The following NDUFS1 variants were observed in gnomAD, a reference collection of about 807,000 sequenced individuals.
NDUFS1 encodes the protein NADH:ubiquinone oxidoreductase core subunit S1.
In NDUFS1, 61 loss-of-function variants were observed where a neutral mutation model predicts 84.4. That is an observed-to-expected ratio of 0.72 (90% CI 0.59 to 0.89). The LOEUF is 0.89. Ranked by LOEUF, NDUFS1 falls within the 40% of genes least tolerant of loss-of-function variation. The pLI is 0.00. For synonymous variants in NDUFS1, 275 were observed against 290.0 expected, an observed-to-expected ratio of 0.95 and a Z score of 0.53; for missense variants, 891 against 890.0, an observed-to-expected ratio of 1.00 and a Z score of -0.01.
chr2:206,147,724 A>G (rs1692213847), intron 6 of NDUFS1, 29 bp downstream of exon 6: 1 of 1,613,798 alleles, frequency 6.2e-7, no homozygotes, highest in African/African-American at 1.3e-5. Flanking sequence ...TGAGACAACC[A>G]AAAAGATTGA....
rs137878712 is a variant in NDUFS1, at chr2:206,133,738, G to A, written c.1393-633C>T. On this transcript the variant is annotated intron_variant, in intron 13 of 18. Coordinates refer to ENST00000233190, the MANE Select transcript of NDUFS1 (RefSeq NM_005006.7). ...CACGCCTGTAATCCCAACACTTTGG[G>A]AGGCTGAGGTGGGTGGATCACTTGA... Among the ~76,000 whole-genome samples the A allele has an allele frequency of 5.2e-3, 796 of 152,340 alleles. 40 individuals are homozygous for A. The East Asian group carries it at 0.11, about 22-fold the overall frequency.
At chr2:206,126,402 T>C in intron 18 of NDUFS1, 137 bp downstream of exon 18, 1 of 843,364 alleles carries the variant, frequency 1.2e-6, no homozygotes, top group East Asian at 2.7e-5. Flanking sequence ...CTTACGTTAG[T>C]TCCAATGTTT....
chr2:206,152,703 C>CTTT (rs71034411), intron 2 of NDUFS1, among the ~76,000 whole-genome samples, 193 bp from the exon 3 acceptor site: 33 of 121,236 alleles, frequency 2.7e-4, no homozygotes, highest in East Asian at 4.5e-4. Context: ...CTTTCTTCTT[C>CTTT]TTTTTTTTTT....
At chr2:206,158,942 G>T in intron 1 of NDUFS1, 1 of 732,668 alleles carries the variant, frequency 1.4e-6, no homozygotes, top group Non-Finnish European at 2.3e-6. Flanking sequence ...ATCATGCACT[G>T]TATCAGGCGT....
In NDUFS1 at chr2:206,142,798, T is replaced by C. The variant is rs746089657; in HGVS notation, c.1021A>G (p.Ile341Val). ...QSFQGKDVAA[I>V]AGGLVDAEAL... Reference sequence around the variant, plus strand: ...TCAGCATCCACCAAGCCACCTGCAATTGCTGCCACATCTTTGCCTTGAAAA... The same window carrying C: ...TCAGCATCCACCAAGCCACCTGCAACTGCTGCCACATCTTTGCCTTGAAAA... Residue 341 changes from isoleucine (I) to valine (V), a missense_variant, in exon 11 of 19, where the codon ATT becomes GTT. Coordinates refer to ENST00000233190, the MANE Select transcript of NDUFS1 (RefSeq NM_005006.7). 18 of 1,614,188 alleles carry C rather than the reference T, an allele frequency of 1.1e-5. No individual in the cohort carries two copies. The East Asian group carries it at 1.3e-4, about 12-fold the overall frequency.
In NDUFS1 at chr2:206,149,933, TAAAAA is replaced by T. The variant is rs568965659; in HGVS notation, c.154-13_154-9del. 18,287 of 588,694 alleles carry T rather than the reference TAAAAA, an allele frequency of 0.031. 17 individuals are homozygous for T. Among genetic ancestry groups the T allele is most frequent in the Middle Eastern group, 0.045 (83 of 1,828 alleles). 36.5% of individuals were successfully genotyped at this position (588,694 alleles called of 1,614,324 possible). A position where few individuals can be genotyped will look rare whatever the true frequency, so the allele number is the denominator to read the frequency against. ...GCCAACCTTCTCACAAGCCTAGAAG[TAAAAA>T]AAAAAAAAAAAAAAAAAAAAGCATT... On this transcript the variant is annotated splice_polypyrimidine_tract_variant and intron_variant, in intron 3 of 18. Transcript: ENST00000233190.
In NDUFS1 at chr2:206,141,995, A is replaced by G. The variant is rs1384839622; in HGVS notation, c.1208T>C (p.Val403Ala). Residue 403 changes from valine to alanine, a missense_variant, in exon 12 of 19, where the codon GTT becomes GCT. Coordinates refer to ENST00000233190, the MANE Select transcript of NDUFS1 (RefSeq NM_005006.7). ...TGCCTCAAAACGTGGGTTTGTACCA[A>G]CCAGAAGAACAACATCTGCCTCTTC... Reference protein sequence around the residue: ...GVEEADVVLLVGTNPRFEAPL... With the variant: ...GVEEADVVLLAGTNPRFEAPL... The G allele has an allele frequency of 6.2e-7, 1 of 1,610,130 alleles. No individual in the cohort carries two copies. Among genetic ancestry groups the G allele is most frequent in the East Asian group, 2.2e-5 (1 of 44,864 alleles).
chr2:206,142,391 T>A (rs1691997043), intron 11 of NDUFS1, among the ~76,000 whole-genome samples: 1 of 151,792 alleles, frequency 6.6e-6, no homozygotes, highest in African/African-American at 2.4e-5. Flanking sequence ...TTTTTTGTAT[T>A]TTTAGTAGAG....
In NDUFS1 at chr2:206,126,575, G is replaced by C; in HGVS notation, c.2056C>G (p.Pro686Ala). 1.2e-6 allele frequency: 2 copies of C among 1,614,108 alleles called. No homozygotes were observed. Among genetic ancestry groups the C allele is most frequent in the Non-Finnish European group, 1.7e-6 (2 of 1,180,016 alleles). The change falls in exon 18 of 19, where the codon CCA becomes GCA. Residue 686 changes from proline to alanine, a missense_variant. Transcript: ENST00000233190. ...AAGTCTTTTATAGTTAGCTGAGGTG[G>C]AACAAGTGGGTCAGCAAGAAGCTGC... is the stretch of plus-strand genomic sequence containing the variant. ...NQQLLADPLVPPQLTIKDFYM... is the reference protein window; with the variant it reads ...NQQLLADPLVAPQLTIKDFYM...
intron 10 of NDUFS1, 53 bp from the exon 11 acceptor site, chr2:206,142,884 A>T (rs1451289823): frequency 6.2e-7 from 1 of 1,603,388 alleles, no homozygotes; most frequent in African/African-American, 1.3e-5. Context: ...AGCAAAGACC[A>T]CAATGAAATG....
chr2:206,156,624 T>G (rs1687665945), intron 1 of NDUFS1, among the ~76,000 whole-genome samples: 2 of 152,014 alleles, frequency 1.3e-5, no homozygotes, highest in South Asian at 2.1e-4. Flanking sequence ...TATTAAAAAA[T>G]TTCAACATTA....
rs566185460 is a variant in NDUFS1, at chr2:206,126,925, T to C, written c.1885-81A>G. 10 of 1,545,190 alleles carry C rather than the reference T, an allele frequency of 6.5e-6. No individual in the cohort carries two copies. The African/African-American group carries it at 8.2e-5, about 13-fold the overall frequency. On this transcript the variant is annotated intron_variant, in intron 16 of 18. Coordinates refer to ENST00000233190, the MANE Select transcript of NDUFS1 (RefSeq NM_005006.7). ...AAATAATAGATAATTGTAACTATGG[T>C]GAAATAATGCAGCACTACTGAAAAA...
chr2:206,136,750 C>T (rs1203983488), intron 13 of NDUFS1, among the ~76,000 whole-genome samples: 3 of 140,776 alleles, frequency 2.1e-5, no homozygotes, highest in Non-Finnish European at 3.1e-5. Context: ...TCCTTAGTTT[C>T]TTTCTTTTTT....
At chr2:206,125,420 C>A (rs1376979584) in intron 18 of NDUFS1, among the ~76,000 whole-genome samples, 1 of 151,938 alleles carries the variant, frequency 6.6e-6, no homozygotes, top group East Asian at 1.9e-4. Context: ...CAAGATTGTG[C>A]CACTGCACTT....
intron 10 of NDUFS1, 114 bp from the exon 11 acceptor site, chr2:206,142,945 C>T: frequency 7.7e-6 from 11 of 1,429,860 alleles, no homozygotes; most frequent in Non-Finnish European, 1.1e-5. Flanking sequence ...AGTTAACAGA[C>T]TTCTGATTAA....
Position 206,144,919 on chromosome 2 carries a change from T to C in NDUFS1, c.845A>G (p.Asn282Ser), listed in dbSNP as rs1485032272. Reference sequence around the variant, plus strand: ...GGTTTTATCAGAGATCCACTCTTCATTGATGTCCTCATGCATACGTGGCAA... The same window carrying C: ...GGTTTTATCAGAGATCCACTCTTCACTGATGTCCTCATGCATACGTGGCAA... ...RILPRMHEDI[N>S]EEWISDKTRF... The change falls in exon 9 of 19, where the codon AAT becomes AGT. Residue 282 changes from asparagine to serine, a missense_variant. Transcript: ENST00000233190. The C allele has an allele frequency of 6.2e-7, 1 of 1,613,988 alleles. No individual in the cohort carries two copies. Among genetic ancestry groups the C allele is most frequent in the African/African-American group, 1.3e-5 (1 of 74,920 alleles).
chr2:206,129,437 AT>A (rs571914748), intron 15 of NDUFS1, among the ~76,000 whole-genome samples: 67 of 151,954 alleles, frequency 4.4e-4, no homozygotes, highest in African/African-American at 1.4e-3. Flanking sequence ...TAATTTTTAA[AT>A]TTTTTGTAGA....
chr2:206,140,096 G>A (rs1354353942), intron 12 of NDUFS1, among the ~76,000 whole-genome samples: 1 of 152,108 alleles, frequency 6.6e-6, no homozygotes, highest in East Asian at 1.9e-4. Flanking sequence ...ATTACTCCCA[G>A]CACTTTCAGA....
intron 12 of NDUFS1, among the ~76,000 whole-genome samples, chr2:206,139,254 C>T (rs868028235): frequency 5.3e-5 from 8 of 151,984 alleles, no homozygotes; most frequent in Non-Finnish European, 1.0e-4. Flanking sequence ...GGCGCAATCT[C>T]GACTCACTGC....
Sources: allele counts gnomAD v4.1 joint callset (sites outside exome capture counted in the v4.1 genomes callset), GRCh38; gene constraint gnomAD v4.1.1; transcripts MANE v1.5; gene names NCBI Gene and HGNC (gene_info 2026-07-23, HGNC 2026-07-21).